The following FAM133B variants were observed in gnomAD, a reference collection of about 807,000 sequenced individuals.
The protein encoded by FAM133B is family with sequence similarity 133 member B.
In FAM133B, 25 loss-of-function variants were observed where a neutral mutation model predicts 46.4. That is an observed-to-expected ratio of 0.54 (90% CI 0.39 to 0.75). FAM133B has a LOEUF of 0.75. Ranked by LOEUF, FAM133B falls within the 30% of genes least tolerant of loss-of-function variation. FAM133B has a pLI of 0.00. For synonymous variants in FAM133B, 75 were observed against 86.0 expected (o/e 0.87, Z 0.71); for missense variants, 205 against 277.6 (o/e 0.74, Z 1.86).
chr7:92,574,898 C>T (rs1794648548), intron 8 of FAM133B, among the ~76,000 whole-genome samples: 2 of 142,766 alleles, frequency 1.4e-5, no homozygotes, highest in East Asian at 4.1e-4. Context: ...GGCGACAGAG[C>T]GAGACTCCGT....
chr7:92,575,791 C>G lies in FAM133B; in HGVS notation c.496G>C (p.Asp166His). 3 of 1,375,392 alleles carry G rather than the reference C, an allele frequency of 2.2e-6. No individual in the cohort carries two copies. Among genetic ancestry groups the G allele is most frequent in the Non-Finnish European group, 3.1e-6 (3 of 973,368 alleles). 85.2% of individuals were successfully genotyped at this position (1,375,392 alleles called of 1,614,324 possible). A position where few individuals can be genotyped will look rare whatever the true frequency, so the allele number is the denominator to read the frequency against. Reference sequence around the variant, plus strand: ...GTTACCTTTTCTTTCTCAGTTCCATCTTTTGACTTCTTTTTCTTTTTTAAA... The same window carrying G: ...GTTACCTTTTCTTTCTCAGTTCCATGTTTTGACTTCTTTTTCTTTTTTAAA... ...DSLKKKKKSK[D>H]GTEKEKDIKG... Residue 166 changes from aspartate to histidine, a missense_variant, in exon 8 of 11, where the codon GAT becomes CAT. Transcript: ENST00000445716.
intron 8 of FAM133B, among the ~76,000 whole-genome samples, chr7:92,572,326 C>T (rs1794556532): frequency 6.6e-6 from 1 of 152,150 alleles, no homozygotes; most frequent in Admixed American, 6.5e-5. Context: ...AGCAAGAATG[C>T]AAAATAACAA....
At chr7:92,585,534 G>T (rs994844065) in intron 1 of FAM133B, 13 of 180,794 alleles carry the variant, frequency 7.2e-5, no homozygotes, top group African/African-American at 3.1e-4. Flanking sequence ...CTATCAAACT[G>T]GGATTCGCTA....
At chr7:92,564,887 T>C (rs1266038174) in intron 10 of FAM133B, among the ~76,000 whole-genome samples, 1 of 152,224 alleles carries the variant, frequency 6.6e-6, no homozygotes, top group Non-Finnish European at 1.5e-5. Flanking sequence ...CGCCTCTTCT[T>C]TCTCTTTTCT....
At chr7:92,563,491 TTTGCTGGCTC>T (rs1172025496) in intron 10 of FAM133B, among the ~76,000 whole-genome samples, 1 of 152,194 alleles carries the variant, frequency 6.6e-6, no homozygotes, top group Non-Finnish European at 1.5e-5. Flanking sequence ...CTTCATTTCC[TTTGCTGGCTC>T]TTCTTCCTCT....
intron 3 of FAM133B, 102 bp downstream of exon 3, chr7:92,579,215 C>G: frequency 1.0e-6 from 1 of 955,432 alleles, no homozygotes; most frequent in Non-Finnish European, 1.6e-6. Context: ...GTCATGAACT[C>G]CTGGCCTCCC....
chr7:92,572,159 A>G (rs10248055), intron 8 of FAM133B, among the ~76,000 whole-genome samples: 18,643 of 152,276 alleles, frequency 0.12, 1,168 homozygotes, highest in African/African-American at 0.14. Context: ...TTCCAACAGA[A>G]AAATGGGCAA....
At chr7:92,562,832 C>T (rs1317971225) in intron 10 of FAM133B, among the ~76,000 whole-genome samples, 3 of 152,166 alleles carry the variant, frequency 2.0e-5, no homozygotes, top group Non-Finnish European at 4.4e-5. Flanking sequence ...CTCAGACTGG[C>T]AGCACTACTT....
intron 1 of FAM133B, among the ~76,000 whole-genome samples, chr7:92,584,831 C>T (rs1383485169): frequency 6.6e-6 from 1 of 152,148 alleles, no homozygotes; most frequent in East Asian, 1.9e-4. Flanking sequence ...CTGTTCAACA[C>T]AGTTAAGTTG....
In FAM133B at chr7:92,562,448, C is replaced by T. The variant is rs1367196241; in HGVS notation, c.658-80G>A. 2.7e-6 allele frequency: 4 copies of T among 1,468,390 alleles called. No individual in the cohort carries two copies. In the African/African-American group the frequency reaches 5.7e-5, roughly 21 times the overall value. 91.0% of individuals were successfully genotyped at this position (1,468,390 alleles called of 1,614,324 possible). ...GCATCTTTACCATGCTTCTAAGCTA[C>T]CACATAATTCCAAACAATCCACACA... On this transcript the variant is annotated intron_variant, in intron 10 of 10. Coordinates refer to ENST00000445716, the MANE Select transcript of FAM133B (RefSeq NM_152789.4).
At chr7:92,579,151 T>C in intron 3 of FAM133B, 166 bp downstream of exon 3, 1 of 603,776 alleles carries the variant, frequency 1.7e-6, no homozygotes, top group Non-Finnish European at 2.9e-6. Context: ...TATTTTCTTT[T>C]TTTTAATGGA....
At chr7:92,573,134 T>C (rs1485682413) in intron 8 of FAM133B, among the ~76,000 whole-genome samples, 4 of 149,448 alleles carry the variant, frequency 2.7e-5, no homozygotes, top group Admixed American at 6.6e-5. Flanking sequence ...GGATCAGCTA[T>C]ATCAAAGGAA....
chr7:92,567,431 A>T (rs1361228945), intron 9 of FAM133B, among the ~76,000 whole-genome samples: 1 of 152,202 alleles, frequency 6.6e-6, no homozygotes, highest in African/African-American at 2.4e-5. Context: ...TACGACATTA[A>T]ATACATGACA....
At chr7:92,570,789 T>G (rs913694313) in intron 8 of FAM133B, among the ~76,000 whole-genome samples, 1 of 152,174 alleles carries the variant, frequency 6.6e-6, no homozygotes, top group African/African-American at 2.4e-5. Flanking sequence ...ATAGCAGACT[T>G]CCTTTTGTTT....
rs899721733 is a variant in FAM133B at position 92,560,806 on chromosome 7, T to C, written c.*1476A>G. The C allele has an allele frequency of 3.3e-5, 5 of 152,392 alleles. No homozygotes were observed. Among genetic ancestry groups the C allele is most frequent in the Non-Finnish European group, 4.4e-5 (3 of 68,040 alleles). 9.4% of individuals were successfully genotyped at this position (152,392 alleles called of 1,614,324 possible). Reference sequence around the variant, plus strand: ...AGAACACAGCTATTTTTAAGTAAAATAGCTATTTATTCAGCCTGTTGTCAT... The same window carrying C: ...AGAACACAGCTATTTTTAAGTAAAACAGCTATTTATTCAGCCTGTTGTCAT... On this transcript the variant is annotated 3_prime_UTR_variant, in exon 11 of 11. Coordinates refer to ENST00000445716, the MANE Select transcript of FAM133B (RefSeq NM_152789.4).
chr7:92,582,174 G>A (rs910148264), intron 1 of FAM133B, among the ~76,000 whole-genome samples: 1 of 152,080 alleles, frequency 6.6e-6, no homozygotes, highest in Non-Finnish European at 1.5e-5. Context: ...ACTTGAACCC[G>A]GGAGGTAGAG....
At chr7:92,565,656 G>C (rs1016773554) in intron 10 of FAM133B, 4 of 181,666 alleles carry the variant, frequency 2.2e-5, no homozygotes, top group African/African-American at 9.5e-5. Context: ...GTAGAGACGG[G>C]GTTTCACCGT....
intron 8 of FAM133B, among the ~76,000 whole-genome samples, chr7:92,570,579 T>C (rs1173855952): frequency 1.3e-5 from 2 of 152,166 alleles, no homozygotes; most frequent in South Asian, 2.1e-4. Flanking sequence ...ATCATTTTAT[T>C]ATTTTTCATG....
At chr7:92,582,085 C>T (rs993288165) in intron 1 of FAM133B, among the ~76,000 whole-genome samples, 1 of 151,960 alleles carries the variant, frequency 6.6e-6, no homozygotes, top group East Asian at 1.9e-4. Flanking sequence ...CCTGCCTCTA[C>T]TAAAAATACA....
Sources: allele counts gnomAD v4.1 joint callset (sites outside exome capture counted in the v4.1 genomes callset), GRCh38; gene constraint gnomAD v4.1.1; transcripts MANE v1.5; gene names NCBI Gene and HGNC (gene_info 2026-07-23, HGNC 2026-07-21).